The following APOBEC3C variants were observed in gnomAD, a reference collection of about 807,000 sequenced individuals.
The protein encoded by APOBEC3C is apolipoprotein B mRNA editing enzyme catalytic subunit 3C, also known as DNA dC->dU-editing enzyme APOBEC-3C.
A neutral mutation model predicts 20.6 loss-of-function variants in APOBEC3C; 14 were observed. The observed-to-expected ratio is 0.68, with a 90% CI of 0.45 to 1.06. APOBEC3C has a LOEUF of 1.06. Among genes scored for constraint, APOBEC3C ranks in the 50% least tolerant of loss-of-function variants. The probability of loss-of-function intolerance (pLI) is 0.00; values close to 1 mark genes in which losing one functional copy is unlikely to be tolerated. For missense variants in APOBEC3C, 244 were observed against 241.9 expected (o/e 1.01, Z -0.06); for synonymous variants, 98 against 88.8 (o/e 1.10, Z -0.58).
At chr22:39,016,390 T>C (rs1011781640) in intron 2 of APOBEC3C, among the ~76,000 whole-genome samples, 1 of 147,520 alleles carries the variant, frequency 6.8e-6, no homozygotes, top group African/African-American at 2.5e-5. Context: ...TCTTTTTTTT[T>C]TTTTTTTTAG....
chr22:39,015,985 C>T (rs956519070), intron 2 of APOBEC3C, among the ~76,000 whole-genome samples: 3 of 151,356 alleles, frequency 2.0e-5, no homozygotes, highest in Non-Finnish European at 2.9e-5. Flanking sequence ...ACGCGATTCT[C>T]CTGCCTCAGT....
rs775452523 is a variant in APOBEC3C, at chr22:39,018,031, T to G, written c.440T>G (p.Ile147Ser). The G allele has an allele frequency of 6.2e-7, 1 of 1,613,902 alleles. No homozygotes were observed. The highest frequency in any genetic ancestry group is 1.1e-5 in the South Asian group (1 of 91,072). ...AGTCAGGAAGGGGTCGCTGTGGAGATCATGGACTATGAAGGTGAGACGTGG... is the reference window on the plus strand; with the variant it reads ...AGTCAGGAAGGGGTCGCTGTGGAGAGCATGGACTATGAAGGTGAGACGTGG... The part of the protein sequence containing the change: ...SLSQEGVAVE[I>S]MDYEDFKYCW... The change falls in exon 3 of 4, where the codon ATC becomes AGC. Residue 147 changes from isoleucine to serine, a missense_variant. Physicochemically the swap from Ile to Ser is moderately radical, Grantham distance 142. Transcript: ENST00000361441.
At position 39,019,718 on chromosome 22, in the gene APOBEC3C, G is replaced by C. The variant is rs1924953226; in HGVS notation, c.*1331G>C. The C allele has an allele frequency of 6.6e-6, 1 of 151,752 alleles. No homozygotes were observed. The highest frequency in any genetic ancestry group is 2.4e-5 in the African/African-American group (1 of 41,232). The allele number at this position is 151,752 out of a possible 1,614,324, so 9.4% of individuals were successfully genotyped here. A position where few individuals can be genotyped will look rare whatever the true frequency, so the allele number is the denominator to read the frequency against. The stretch of plus-strand genomic sequence containing the variant: ...GAGGCCGCTCCTTCTGGCTGGCAGG[G>C]AGTCTCTTCCAGCCGTGTCCTCTGT... On this transcript the variant is annotated 3_prime_UTR_variant, in exon 4 of 4. Transcript: ENST00000361441.
chr22:39,018,237 G>A (rs1460493958), intron 3 of APOBEC3C, 32 bp from the exon 4 acceptor site: 13 of 1,605,724 alleles, frequency 8.1e-6, no homozygotes, highest in African/African-American at 1.3e-5. Flanking sequence ...GGCCTGCTGG[G>A]CCCTCACTGT....
Position 39,019,181 on chromosome 22 carries a change from T to G in APOBEC3C, c.*794T>G, listed in dbSNP as rs188577172. 2 of 152,286 alleles carry G rather than the reference T, an allele frequency of 1.3e-5. No individual in the cohort carries two copies. Among genetic ancestry groups the G allele is most frequent in the East Asian group, 3.9e-4 (2 of 5,188 alleles). The allele number at this position is 152,286 out of a possible 1,614,324, so 9.4% of individuals were successfully genotyped here. On this transcript the variant is annotated 3_prime_UTR_variant, in exon 4 of 4. Coordinates refer to ENST00000361441, the MANE Select transcript of APOBEC3C (RefSeq NM_014508.3). ...AGGCCACACAACATTGTTTCCGAAATGGACTTCTCTGCAAGCCTGACTCCT... is the reference window on the plus strand; with the variant it reads ...AGGCCACACAACATTGTTTCCGAAAGGGACTTCTCTGCAAGCCTGACTCCT...
At position 39,018,046 on chromosome 22, in the gene APOBEC3C, G is replaced by T. The variant is rs1022144959; in HGVS notation, c.454+1G>T. 6.2e-7 allele frequency: 1 copy of T among 1,613,898 alleles called. No individual in the cohort carries two copies. Among genetic ancestry groups the T allele is most frequent in the East Asian group, 2.2e-5 (1 of 44,852 alleles). The stretch of plus-strand genomic sequence containing the variant: ...GCTGTGGAGATCATGGACTATGAAG[G>T]TGAGACGTGGGGGGCTGAGGAGAGT... On this transcript the variant is annotated splice_donor_variant, in intron 3 of 3. Coordinates refer to ENST00000361441, the MANE Select transcript of APOBEC3C (RefSeq NM_014508.3). LOFTEE classifies it high-confidence loss of function.
Position 39,014,431 on chromosome 22 carries a change from C to T in APOBEC3C, c.17+52C>T, listed in dbSNP as rs367609981. The T allele has an allele frequency of 4.5e-5, 72 of 1,612,402 alleles. No individual in the cohort carries two copies. The East Asian group carries it at 6.5e-4, about 14-fold the overall frequency. Reference sequence around the variant, plus strand: ...GCCCCTCCTGCCACTTCCTGCCAGGCGGTCCTGCTGGGCCTCAGCCCTGGC... The same window carrying T: ...GCCCCTCCTGCCACTTCCTGCCAGGTGGTCCTGCTGGGCCTCAGCCCTGGC... On this transcript the variant is annotated intron_variant, in intron 1 of 3. Coordinates refer to ENST00000361441, the MANE Select transcript of APOBEC3C (RefSeq NM_014508.3).
Position 39,017,896 on chromosome 22 carries a change from G to C in APOBEC3C, c.305G>C (p.Gly102Ala), listed in dbSNP as rs772324049. ...TGGAGCCCTTGCCCAGACTGTGCAGGGGAGGTGGCCGAGTTCCTGGCCAGG... is the reference window on the plus strand; with the variant it reads ...TGGAGCCCTTGCCCAGACTGTGCAGCGGAGGTGGCCGAGTTCCTGGCCAGG... ...TSWSPCPDCA[G>A]EVAEFLARHS... The change falls in exon 3 of 4, where the codon GGG (glycine) becomes GCG (alanine). Residue 102 changes from glycine to alanine, a missense_variant. Gly to Ala is a moderately conservative substitution (Grantham distance 60). Coordinates refer to ENST00000361441, the MANE Select transcript of APOBEC3C (RefSeq NM_014508.3). The C allele has an allele frequency of 6.2e-7, 1 of 1,614,168 alleles. No homozygotes were observed. The highest frequency in any genetic ancestry group is 1.7e-5 in the Admixed American group (1 of 60,022).
intron 2 of APOBEC3C, among the ~76,000 whole-genome samples, chr22:39,016,969 C>T (rs1924805973): frequency 6.6e-6 from 1 of 152,236 alleles, no homozygotes; most frequent in Non-Finnish European, 1.5e-5. Context: ...CGCGGTGGCT[C>T]ATGCCTGTAA....
At position 39,016,190 on chromosome 22, in the gene APOBEC3C, A is replaced by ATTTATTTATTTATTAT. The variant is rs145889122; in HGVS notation, c.174+441_174+442insTATTTATTTATTATTT. 3.5e-5 allele frequency among the ~76,000 whole-genome samples: 5 copies of ATTTATTTATTTATTAT among 141,506 alleles called. No homozygotes were observed. The East Asian group carries it at 8.3e-4, about 23-fold the overall frequency. The allele number at this position is 141,506 out of a possible 152,430, so 92.8% of individuals were successfully genotyped here. ...ACCATGCCCCTGGCCTCCTCCCCACATTATTTATTTATTTATTTATTTATT... is the reference window on the plus strand; with the variant it reads ...ACCATGCCCCTGGCCTCCTCCCCACATTTATTTATTTATTATTTATTTATTTATTTATTTATTTATT... On this transcript the variant is annotated intron_variant, in intron 2 of 3. Transcript: ENST00000361441.
At position 39,014,293 on chromosome 22, in the gene APOBEC3C, A is replaced by G. The variant is rs1020053242; in HGVS notation, c.-70A>G. The G allele has an allele frequency of 4.1e-5, 65 of 1,597,810 alleles. No individual in the cohort carries two copies. The Admixed American group carries it at 1.0e-3, about 25-fold the overall frequency. On this transcript the variant is annotated 5_prime_UTR_variant, in exon 1 of 4. Coordinates refer to ENST00000361441, the MANE Select transcript of APOBEC3C (RefSeq NM_014508.3). ...GGCTGCTCAACTGCAAGGACGCTGT[A>G]AGCAGGAAGAGAAGCCACAGCGCTT... is the stretch of plus-strand genomic sequence containing the variant.
chr22:39,014,588 T>C (rs1924716799), intron 1 of APOBEC3C, among the ~76,000 whole-genome samples: 1 of 150,488 alleles, frequency 6.6e-6, no homozygotes, highest in African/African-American at 2.4e-5. Context: ...CCTTCCCCAC[T>C]TGCCCCAGCC....
Position 39,019,939 on chromosome 22 carries a change from G to C in APOBEC3C, c.*1552G>C, listed in dbSNP as rs1250632126. On this transcript the variant is annotated 3_prime_UTR_variant, in exon 4 of 4. Coordinates refer to ENST00000361441, the MANE Select transcript of APOBEC3C (RefSeq NM_014508.3). ...TTCTGCTTCAGCCTCCCGAGTAAAAGGCATGCATCACCACACCTGGTTAAT... is the reference window on the plus strand; with the variant it reads ...TTCTGCTTCAGCCTCCCGAGTAAAACGCATGCATCACCACACCTGGTTAAT... The C allele has an allele frequency of 6.7e-6, 1 of 148,762 alleles. No homozygotes were observed. Among genetic ancestry groups the C allele is most frequent in the Non-Finnish European group, 1.5e-5 (1 of 67,734 alleles). The allele number at this position is 148,762 out of a possible 1,614,324, so 9.2% of individuals were successfully genotyped here.
intron 2 of APOBEC3C, among the ~76,000 whole-genome samples, chr22:39,017,375 T>C (rs1281716500): frequency 1.3e-5 from 2 of 152,158 alleles, no homozygotes; most frequent in Non-Finnish European, 2.9e-5. Context: ...ATGTGGTTTA[T>C]GCTCATAGTC....
At chr22:39,015,878 T>A (rs1924763667) in intron 2 of APOBEC3C, 127 bp downstream of exon 2, 5 of 750,504 alleles carry the variant, frequency 6.7e-6, no homozygotes, top group East Asian at 7.2e-5. Flanking sequence ...ATTTCTATTT[T>A]TTTTTTTTTT....
rs144844941 is a variant in APOBEC3C, at chr22:39,017,962, A to G, written c.371A>G (p.Tyr124Cys). The change falls in exon 3 of 4, where the codon TAC becomes TGC. Residue 124 changes from tyrosine (Y) to cysteine (C), a missense_variant. Tyr to Cys is a radical substitution (Grantham distance 194, BLOSUM62 -2). Coordinates refer to ENST00000361441, the MANE Select transcript of APOBEC3C (RefSeq NM_014508.3). ...VNLTIFTARL[Y>C]YFQYPCYQEG... The stretch of plus-strand genomic sequence containing the variant: ...CTCACCATCTTCACCGCCCGCCTCT[A>G]CTACTTCCAGTATCCATGTTACCAG... 89 of 1,614,022 alleles carry G rather than the reference A, an allele frequency of 5.5e-5. No homozygotes were observed. The highest frequency in any genetic ancestry group is 7.0e-5 in the Non-Finnish European group (83 of 1,180,034).
At position 39,015,702 on chromosome 22, in the gene APOBEC3C, T is replaced by A. The variant is rs1924755957; in HGVS notation, c.125T>A (p.Ile42Lys). The A allele has an allele frequency of 1.2e-6, 2 of 1,613,992 alleles. No individual in the cohort carries two copies. The highest frequency in any genetic ancestry group is 1.7e-6 in the Non-Finnish European group (2 of 1,180,000). Residue 42 changes from isoleucine (I) to lysine (K), a missense_variant, in exon 2 of 4, where the codon ATA becomes AAA. Ile to Lys is a moderately radical substitution (Grantham distance 102, BLOSUM62 -3). Transcript: ENST00000361441. ...TGGCTGTGCTTCACCGTGGAAGGTA[T>A]AAAGCGCCGCTCAGTTGTCTCCTGG... ...ETWLCFTVEG[I>K]KRRSVVSWKT...
chr22:39,019,356 G>A lies in APOBEC3C; in HGVS notation c.*969G>A, dbSNP rs1178944886. 1 of 152,144 alleles carries A rather than the reference G, an allele frequency of 6.6e-6. No individual in the cohort carries two copies. The highest frequency in any genetic ancestry group is 1.9e-4 in the East Asian group (1 of 5,200). The allele number at this position is 152,144 out of a possible 1,614,324, so 9.4% of individuals were successfully genotyped here. ...TCCTAGTGCCCATGGGCTTTACATA[G>A]GGCAAGAGAACATTTCTCCTTCTAT... On this transcript the variant is annotated 3_prime_UTR_variant, in exon 4 of 4. Transcript: ENST00000361441.
Position 39,018,518 on chromosome 22 carries a change from C to T in APOBEC3C, c.*131C>T, listed in dbSNP as rs113417884. On this transcript the variant is annotated 3_prime_UTR_variant, in exon 4 of 4. Transcript: ENST00000361441. ...GCCCCTCCTGGCCTCAGGGCCATTC[C>T]ACAGTGCTCCCCTGCCTCACCGCTT... The T allele has an allele frequency of 0.023, 25,146 of 1,083,096 alleles. 379 individuals carry two copies. The highest frequency in any genetic ancestry group is 0.028 in the Non-Finnish European group (21,214 of 747,578). The allele number at this position is 1,083,096 out of a possible 1,614,324, so 67.1% of individuals were successfully genotyped here.
Sources: allele counts gnomAD v4.1 joint callset (sites outside exome capture counted in the v4.1 genomes callset), GRCh38; gene constraint gnomAD v4.1.1; transcripts MANE v1.5; gene names NCBI Gene and HGNC (gene_info 2026-07-23, HGNC 2026-07-21).